Variants in GPHN observed in about 807,000 individuals in gnomAD.
GPHN encodes the protein gephyrin.
GPHN carries 17 observed loss-of-function variants against 95.5 expected under a neutral mutation model. The observed-to-expected ratio is 0.18, with a 90% confidence interval of 0.12 to 0.27. The LOEUF is 0.27. GPHN is among the 10% of genes least tolerant of loss of function. GPHN has a pLI of 1.00. For missense variants in GPHN, 660 were observed against 978.1 expected, an observed-to-expected ratio of 0.67 and a Z score of 4.34; for synonymous variants, 320 against 322.5, an observed-to-expected ratio of 0.99 and a Z score of 0.08.
At chr14:66,531,986 T>C (rs1420059882) in intron 1 of GPHN, among the ~76,000 whole-genome samples, 1 of 152,164 alleles carries the variant, frequency 6.6e-6, no homozygotes, top group Non-Finnish European at 1.5e-5. Flanking sequence ...GAATGAGCAT[T>C]ATAGTGTCCC....
the GPHN span, among the ~76,000 whole-genome samples, chr14:67,507,216 T>G: frequency 6.6e-6 from 1 of 151,630 alleles, no homozygotes. Flanking sequence ...CTAATATAGG[T>G]GGTGCAACTA....
intron 19 of GPHN, among the ~76,000 whole-genome samples, chr14:67,164,141 G>A (rs2153721718): frequency 6.6e-6 from 1 of 151,668 alleles, no homozygotes; most frequent in African/African-American, 2.4e-5. Flanking sequence ...GGTGGCACGT[G>A]CCTGTAATCC....
At chr14:66,884,818 GTATA>G (rs34476314) in intron 5 of GPHN, among the ~76,000 whole-genome samples, 57 of 144,922 alleles carry the variant, frequency 3.9e-4, no homozygotes, top group South Asian at 3.5e-3. Flanking sequence ...ATGTGTGTGT[GTATA>G]TATATATATA....
chr14:67,542,765 A>G, the GPHN span, among the ~76,000 whole-genome samples: 1 of 152,148 alleles, frequency 6.6e-6, no homozygotes, highest in Non-Finnish European at 1.5e-5. Flanking sequence ...CAATGGCGCC[A>G]TCGCAGCTCG....
intron 9 of GPHN, among the ~76,000 whole-genome samples, chr14:66,983,340 G>A (rs573732546): frequency 1.3e-5 from 2 of 152,236 alleles, no homozygotes; most frequent in South Asian, 4.2e-4. Flanking sequence ...ATTAATGGAG[G>A]ACTAAAATAA....
rs537879160 is a variant in GPHN at position 66,782,103 on chromosome 14, CTT to C, written c.201+5584_201+5585del. 8.4e-3 allele frequency among the ~76,000 whole-genome samples: 1,282 copies of C among 152,080 alleles called. 14 individuals are homozygous for C. Among genetic ancestry groups the C allele is most frequent in the South Asian group, 0.031 (151 of 4,810 alleles). On this transcript the variant is annotated intron_variant, in intron 3 of 22. Coordinates refer to ENST00000478722, the MANE Select transcript of GPHN (RefSeq NM_020806.5). ...TTGATACAATATTTTTAAAATGTGTCTTTGTTTTTCCAGCCCATGGGAAAAAT... is the reference window on the plus strand; with the variant it reads ...TTGATACAATATTTTTAAAATGTGTCTGTTTTTCCAGCCCATGGGAAAAAT...
intron 1 of GPHN, among the ~76,000 whole-genome samples, chr14:66,524,859 C>T (rs1006913082): frequency 2.0e-5 from 3 of 152,040 alleles, no homozygotes; most frequent in African/African-American, 7.2e-5. Flanking sequence ...TCATATTCTA[C>T]CGTGTATATG....
intron 1 of GPHN, among the ~76,000 whole-genome samples, chr14:66,654,251 C>T (rs915425603): frequency 9.9e-5 from 15 of 151,892 alleles, no homozygotes; most frequent in South Asian, 2.1e-4. Context: ...TACAGATGTG[C>T]GCCACCATGC....
intron 1 of GPHN, among the ~76,000 whole-genome samples, chr14:66,656,563 C>T (rs983828951): frequency 1.3e-5 from 2 of 152,064 alleles, no homozygotes; most frequent in African/African-American, 2.4e-5. Context: ...CTGCATCAAG[C>T]GAGTCTGTCA....
At chr14:67,186,546 C>T (rs981763155), downstream of GPHN, among the ~76,000 whole-genome samples, 13 of 152,202 alleles carry the variant, frequency 8.5e-5, no homozygotes, top group African/African-American at 2.9e-4. Flanking sequence ...AGGGGAATCA[C>T]AGCTTAGAAG....
chr14:67,383,432 G>C, the GPHN span: 69 of 1,613,156 alleles, frequency 4.3e-5, no homozygotes, highest in Admixed American at 6.0e-4. Context: ...AGCCAAAGCT[G>C]AAGATTAACT....
At chr14:67,189,804 T>G in the GPHN span, 2 of 151,852 alleles carry the variant, frequency 1.3e-5, no homozygotes, top group African/African-American at 4.8e-5. Flanking sequence ...AGTTTGAGTT[T>G]GAAATGAAAG....
chr14:66,844,262 T>C (rs1376076567), intron 4 of GPHN, among the ~76,000 whole-genome samples: 1 of 152,184 alleles, frequency 6.6e-6, no homozygotes, highest in Non-Finnish European at 1.5e-5. Context: ...ACCTTTGAAA[T>C]TGATATTTTC....
the GPHN span, among the ~76,000 whole-genome samples, chr14:67,644,260 C>A: frequency 6.6e-6 from 1 of 152,154 alleles, no homozygotes; most frequent in Non-Finnish European, 1.5e-5. Flanking sequence ...TGTAGTTTAA[C>A]ATATATTACT....
At chr14:67,136,807 A>T (rs908409929) in intron 17 of GPHN, among the ~76,000 whole-genome samples, 1 of 152,160 alleles carries the variant, frequency 6.6e-6, no homozygotes, top group Non-Finnish European at 1.5e-5. Context: ...TAATATTGGT[A>T]CTCTAAGAGA....
intron 1 of GPHN, among the ~76,000 whole-genome samples, chr14:66,581,932 A>G (rs990373423): frequency 1.3e-5 from 2 of 152,066 alleles, no homozygotes; most frequent in Non-Finnish European, 2.9e-5. Context: ...ATAGACTGCA[A>G]TATAGTGTAG....
chr14:67,634,159 C>T, the GPHN span, among the ~76,000 whole-genome samples: 1 of 152,128 alleles, frequency 6.6e-6, no homozygotes, highest in Non-Finnish European at 1.5e-5. Flanking sequence ...ACATCACAAC[C>T]CTTGATGAGT....
the GPHN span, among the ~76,000 whole-genome samples, chr14:67,401,594 A>G: frequency 6.6e-6 from 1 of 152,186 alleles, no homozygotes; most frequent in African/African-American, 2.4e-5. Flanking sequence ...CTCAGGACAC[A>G]GTGAGGAGGT....
chr14:66,794,215 G>A (rs941934402), intron 3 of GPHN, among the ~76,000 whole-genome samples: 2 of 152,166 alleles, frequency 1.3e-5, no homozygotes, highest in Admixed American at 6.5e-5. Context: ...GAATGGTTTA[G>A]TACCATCCCC....
Sources: gnomAD v4.1 joint callset for allele counts (sites outside exome capture counted in the v4.1 genomes callset) on GRCh38, gnomAD v4.1.1 for gene constraint, MANE v1.5 for transcripts, NCBI Gene and HGNC (gene_info 2026-07-23, HGNC 2026-07-21) for gene names.